ELMO1: variants seen among roughly 807,000 people sequenced by gnomAD.
ELMO1 encodes the protein engulfment and cell motility protein 1.
ELMO1 carries 26 observed loss-of-function variants against 98.9 expected under a neutral mutation model. The ratio of observed to expected loss-of-function variants is 0.26; its 90% confidence interval spans 0.19 to 0.36. ELMO1 has a LOEUF of 0.36. ELMO1 is among the 10% of genes least tolerant of loss of function. ELMO1 has a pLI of 1.00. For missense variants in ELMO1, 627 were observed against 935.2 expected (o/e 0.67, Z 4.30); for synonymous variants, 346 against 346.0 (o/e 1.00, Z 0.00).
At chr7:37,248,802 A>C (rs561596341) in intron 6 of ELMO1, among the ~76,000 whole-genome samples, 2 of 152,384 alleles carry the variant, frequency 1.3e-5, no homozygotes, top group African/African-American at 4.8e-5. Context: ...GACCTCCCAG[A>C]ACAGCCAAGA....
At chr7:37,320,591 C>A (rs1799431353) in intron 2 of ELMO1, among the ~76,000 whole-genome samples, 1 of 152,138 alleles carries the variant, frequency 6.6e-6, no homozygotes, top group Non-Finnish European at 1.5e-5. Context: ...GATGTAATTA[C>A]TCCCTCTGTG....
chr7:37,434,114 G>T (rs1283132234), intron 1 of ELMO1, among the ~76,000 whole-genome samples: 2 of 152,166 alleles, frequency 1.3e-5, no homozygotes, highest in African/African-American at 4.8e-5. Flanking sequence ...TGGGTGCACT[G>T]AAAGAAAATC....
At chr7:37,082,857 A>G (rs1448932848) in intron 15 of ELMO1, among the ~76,000 whole-genome samples, 1 of 152,198 alleles carries the variant, frequency 6.6e-6, no homozygotes, top group Non-Finnish European at 1.5e-5. Context: ...ATTCCCCAGG[A>G]GCCCTTTATA....
At chr7:37,022,160 T>C (rs1439839338) in intron 15 of ELMO1, among the ~76,000 whole-genome samples, 1 of 152,210 alleles carries the variant, frequency 6.6e-6, no homozygotes, top group Non-Finnish European at 1.5e-5. Flanking sequence ...GTTGTTTTCA[T>C]GTAAGAATAT....
At chr7:36,993,842 C>T (rs1046501050) in intron 16 of ELMO1, among the ~76,000 whole-genome samples, 1 of 152,198 alleles carries the variant, frequency 6.6e-6, no homozygotes, top group African/African-American at 2.4e-5. Flanking sequence ...TTCCAAAATG[C>T]ATTGCCTACA....
At chr7:36,991,731 C>T (rs1488172283) in intron 16 of ELMO1, among the ~76,000 whole-genome samples, 1 of 152,160 alleles carries the variant, frequency 6.6e-6, no homozygotes, top group Non-Finnish European at 1.5e-5. Context: ...TCTTTTGATC[C>T]CAGGATGCTG....
In ELMO1 at chr7:37,133,116, G is replaced by A; in HGVS notation, c.1191+14C>T. On this transcript the variant is annotated intron_variant, in intron 14 of 21. Transcript: ENST00000310758. ...AGGAAACACACAATATCTGAAAAGG[G>A]GCTTCTTGCTTACCCGGATGTAGGC... 2 of 1,593,886 alleles carry A rather than the reference G, an allele frequency of 1.3e-6. No homozygotes were observed. Among genetic ancestry groups the A allele is most frequent in the Non-Finnish European group, 1.7e-6 (2 of 1,167,596 alleles).
At chr7:36,957,565 C>T (rs1584434265) in intron 16 of ELMO1, among the ~76,000 whole-genome samples, 1 of 134,486 alleles carries the variant, frequency 7.4e-6, no homozygotes, top group South Asian at 2.1e-4. Context: ...CCCTCCTCAA[C>T]CCAAAGGTCT....
At chr7:36,959,688 A>G (rs1788778046) in intron 16 of ELMO1, among the ~76,000 whole-genome samples, 1 of 152,032 alleles carries the variant, frequency 6.6e-6, no homozygotes, top group African/African-American at 2.4e-5. Context: ...CTAATTTTTT[A>G]TTTTTTGAGA....
intron 15 of ELMO1, among the ~76,000 whole-genome samples, chr7:37,071,934 T>C (rs559843924): frequency 6.6e-6 from 1 of 152,090 alleles, no homozygotes; most frequent in East Asian, 1.9e-4. Flanking sequence ...TATATAATAT[T>C]AGTATACTCA....
At chr7:36,920,431 T>C (rs1437348410) in intron 16 of ELMO1, among the ~76,000 whole-genome samples, 1 of 152,202 alleles carries the variant, frequency 6.6e-6, no homozygotes, top group Non-Finnish European at 1.5e-5. Context: ...TTGTGGATAT[T>C]AAAAACAACT....
intron 5 of ELMO1, among the ~76,000 whole-genome samples, chr7:37,264,964 C>T (rs773431034): frequency 2.4e-4 from 37 of 152,272 alleles, no homozygotes; most frequent in South Asian, 4.1e-4. Flanking sequence ...TTCAAATGTA[C>T]GCTCAATGTT....
chr7:37,174,946 G>A (rs879585555), intron 13 of ELMO1, among the ~76,000 whole-genome samples: 13 of 152,030 alleles, frequency 8.6e-5, no homozygotes, highest in Non-Finnish European at 1.6e-4. Context: ...CATTTTCTTA[G>A]CACACTCCAA....
chr7:37,311,550 G>A (rs910671779), intron 4 of ELMO1, among the ~76,000 whole-genome samples: 4 of 152,148 alleles, frequency 2.6e-5, no homozygotes, highest in Admixed American at 6.5e-5. Flanking sequence ...GGGAAAAAAT[G>A]TCTGTATTTT....
At chr7:37,093,175 CTGT>C (rs1259331208) in intron 15 of ELMO1, among the ~76,000 whole-genome samples, 2 of 150,020 alleles carry the variant, frequency 1.3e-5, no homozygotes, top group African/African-American at 5.0e-5. Context: ...GAAAATAGTG[CTGT>C]TTTTTTTTTT....
intron 16 of ELMO1, among the ~76,000 whole-genome samples, chr7:36,904,797 C>T (rs1411694994): frequency 6.6e-6 from 1 of 152,164 alleles, no homozygotes; most frequent in Non-Finnish European, 1.5e-5. Context: ...TTGGGGTCGT[C>T]GCTTTCTCTT....
intron 1 of ELMO1, among the ~76,000 whole-genome samples, chr7:37,438,253 A>T (rs891726269): frequency 2.6e-5 from 4 of 152,076 alleles, no homozygotes; most frequent in Non-Finnish European, 2.9e-5. Flanking sequence ...ATCTCTTTTT[A>T]TGATTTCAGC....
intron 15 of ELMO1, among the ~76,000 whole-genome samples, chr7:37,069,927 C>T (rs1797182947): frequency 1.3e-5 from 2 of 152,242 alleles, no homozygotes; most frequent in East Asian, 1.9e-4. Flanking sequence ...GCTCTCTCTG[C>T]ATATTTATAT....
At chr7:37,184,768 C>A (rs899473640) in intron 13 of ELMO1, among the ~76,000 whole-genome samples, 1 of 151,824 alleles carries the variant, frequency 6.6e-6, no homozygotes, top group African/African-American at 2.4e-5. Flanking sequence ...CAAAAATTAG[C>A]CCTGGTGTGG....
Sources: allele counts gnomAD v4.1 joint callset (sites outside exome capture counted in the v4.1 genomes callset), GRCh38; gene constraint gnomAD v4.1.1; transcripts MANE v1.5; gene names NCBI Gene and HGNC (gene_info 2026-07-23, HGNC 2026-07-21).